Variants in XPO5 observed in about 807,000 individuals in gnomAD.
XPO5 encodes exportin-5.
XPO5 carries 46 observed loss-of-function variants against 160.6 expected under a neutral mutation model. The ratio of observed to expected loss-of-function variants is 0.29; its 90% CI spans 0.23 to 0.37. XPO5 has a LOEUF of 0.37. XPO5 is among the 10% of genes least tolerant of loss of function. The pLI, the probability that XPO5 is intolerant of heterozygous loss-of-function variation, is 1.00. For missense variants in XPO5, 1,090 were observed against 1,463.9 expected, an observed-to-expected ratio of 0.74 and a Z score of 4.17; for synonymous variants, 537 against 519.3, an observed-to-expected ratio of 1.03 and a Z score of -0.46.
At chr6:43,574,160 C>T (rs1763166212) in intron 1 of XPO5, among the ~76,000 whole-genome samples, 1 of 151,732 alleles carries the variant, frequency 6.6e-6, no homozygotes, top group African/African-American at 2.4e-5. Flanking sequence ...ATTAGCCGGG[C>T]ATGGTGGCAG....
intron 23 of XPO5, 188 bp from the exon 24 acceptor site, chr6:43,529,113 C>G: frequency 1.8e-6 from 2 of 1,120,312 alleles, no homozygotes; most frequent in Non-Finnish European, 2.6e-6. Flanking sequence ...TATTGAATTC[C>G]ATTATACTCT....
At chr6:43,527,508 G>A (rs1208553050) in intron 26 of XPO5, 126 bp downstream of exon 26, 8 of 881,530 alleles carry the variant, frequency 9.1e-6, no homozygotes, top group South Asian at 3.3e-5. Context: ...TTTTGACCTC[G>A]CAATCCACCA....
At chr6:43,535,040 C>T (rs144185598) in intron 20 of XPO5, among the ~76,000 whole-genome samples, 1 of 151,344 alleles carries the variant, frequency 6.6e-6, no homozygotes, top group East Asian at 1.9e-4. Flanking sequence ...TGCCTGTAAT[C>T]CCAGCACTTT....
At chr6:43,533,288 A>G (rs866921895) in intron 21 of XPO5, 41 of 152,286 alleles carry the variant, frequency 2.7e-4, no homozygotes, top group African/African-American at 9.0e-4. Context: ...GTATACAAAT[A>G]TCCTTCAGGT....
chr6:43,574,822 TTAA>T (rs990492604), intron 1 of XPO5, among the ~76,000 whole-genome samples: 2 of 152,180 alleles, frequency 1.3e-5, no homozygotes, highest in Non-Finnish European at 2.9e-5. Context: ...ATTTTAAATA[TTAA>T]TAATAAAAAC....
chr6:43,569,460 G>A (rs753429581), intron 5 of XPO5, among the ~76,000 whole-genome samples: 4 of 152,054 alleles, frequency 2.6e-5, no homozygotes, highest in Non-Finnish European at 4.4e-5. Context: ...TAGGCCAGGC[G>A]CGGTGGCTCA....
chr6:43,528,013 A>G (rs1793709631), intron 25 of XPO5, 146 bp downstream of exon 25: 1 of 842,284 alleles, frequency 1.2e-6, no homozygotes, highest in Non-Finnish European at 1.9e-6. Context: ...GCCTGTCCAG[A>G]CAAGCCATGT....
chr6:43,525,441 G>C (rs535469720), intron 28 of XPO5: 9 of 540,024 alleles, frequency 1.7e-5, no homozygotes, highest in Non-Finnish European at 2.3e-5. Flanking sequence ...CCTGGCTTAG[G>C]AGCTGGAGTT....
chr6:43,556,143 G>T (rs1457188866), intron 12 of XPO5, 179 bp from the exon 13 acceptor site: 3 of 740,162 alleles, frequency 4.1e-6, no homozygotes, highest in African/African-American at 3.5e-5. Flanking sequence ...AGAAGTTTTT[G>T]AAAATAAATG....
At chr6:43,529,278 C>T in intron 23 of XPO5, 1 of 1,328,714 alleles carries the variant, frequency 7.5e-7, no homozygotes, top group Non-Finnish European at 1.0e-6. Flanking sequence ...TGCGGTGGCT[C>T]ACACCTGTAA....
intron 23 of XPO5, 52 bp downstream of exon 23, chr6:43,530,636 T>G (rs188368166): frequency 1.0e-4 from 167 of 1,597,582 alleles, no homozygotes; most frequent in Non-Finnish European, 1.4e-4. Context: ...GTTTTGTTTC[T>G]CTCTCTAATT....
At chr6:43,547,061 A>C (rs1476619542) in intron 19 of XPO5, among the ~76,000 whole-genome samples, 5 of 152,128 alleles carry the variant, frequency 3.3e-5, no homozygotes, top group Non-Finnish European at 7.3e-5. Context: ...GATCCAAAAC[A>C]AAGTGTTTAA....
intron 19 of XPO5, 56 bp downstream of exon 19, chr6:43,547,551 CA>C: frequency 1.3e-6 from 2 of 1,531,498 alleles, no homozygotes; most frequent in Admixed American, 3.4e-5. Flanking sequence ...TGACAAAAGA[CA>C]ACACCCTACT....
At chr6:43,565,780 C>A in intron 7 of XPO5, 44 bp from the exon 8 acceptor site, 1 of 1,420,536 alleles carries the variant, frequency 7.0e-7, no homozygotes, top group Admixed American at 2.1e-5. Flanking sequence ...AACTATACTT[C>A]AAAGTACCGA....
At chr6:43,569,913 T>C (rs533924004) in intron 5 of XPO5, among the ~76,000 whole-genome samples, 3 of 149,442 alleles carry the variant, frequency 2.0e-5, no homozygotes, top group East Asian at 4.0e-4. Context: ...CGAAACTCCA[T>C]CTCTACTAAA....
intron 12 of XPO5, 196 bp from the exon 13 acceptor site, chr6:43,556,160 G>A (rs1762075165): frequency 1.6e-6 from 1 of 634,484 alleles, no homozygotes; most frequent in Non-Finnish European, 2.5e-6. Flanking sequence ...AATGATCTCT[G>A]GAAACTGTAT....
rs772235929 is a variant in XPO5, at chr6:43,530,716, A to G, written c.2649T>C (p.Ile883=). 1.9e-5 allele frequency: 31 copies of G among 1,613,876 alleles called. No homozygotes were observed. The African/African-American group carries it at 3.7e-4, about 19-fold the overall frequency. ...GCATGGGTCTGAGTCGGTAGTCAGG[A>G]ATATTGTTCAAGTTGACAAAGGCTG... ...LSSAFVNLNN[I]PDYRLRPMLR... The change falls in exon 23 of 32, where the codon ATT becomes ATC. Residue 883 remains isoleucine (I), a synonymous_variant. Transcript: ENST00000265351.
chr6:43,551,415 C>G lies in XPO5; in HGVS notation c.1611G>C (p.Met537Ile), dbSNP rs1795222257. 3.1e-6 allele frequency: 5 copies of G among 1,613,898 alleles called. No individual in the cohort carries two copies. Among genetic ancestry groups the G allele is most frequent in the Non-Finnish European group, 4.2e-6 (5 of 1,179,846 alleles). ...GATCCTTGGTATCAAAGTTCAGAACCATCTGCAATAGCTCTATTCCATCAT... is the reference window on the plus strand; with the variant it reads ...GATCCTTGGTATCAAAGTTCAGAACGATCTGCAATAGCTCTATTCCATCAT... ...PVNDGIELLQ[M>I]VLNFDTKDPL... Residue 537 changes from methionine (M) to isoleucine (I), a missense_variant, in exon 15 of 32, where the codon ATG becomes ATC. By Grantham distance (10) the Met-to-Ile change is conservative (BLOSUM62 1). This residue lies in a region of XPO5 where 810 missense variants were observed against 1,139.0 expected (regional missense o/e 0.71). Transcript: ENST00000265351.
In XPO5 at chr6:43,526,710, A is replaced by G. The variant is rs1174509146; in HGVS notation, c.2958T>C (p.Ser986=). Residue 986 remains serine, a synonymous_variant, in exon 27 of 32, where the codon AGT becomes AGC. Coordinates refer to ENST00000265351, the MANE Select transcript of XPO5 (RefSeq NM_020750.3). ...CGTCTCCATCTGCTGGGGGAGCACT[A>G]CTGTGGTCAGCACCCTTCTTTGAAA... is the stretch of plus-strand genomic sequence containing the variant. ...CCVSKKGADH[S]SAPPADGDDE... 1 of 1,613,974 alleles carries G rather than the reference A, an allele frequency of 6.2e-7. No homozygotes were observed. The highest frequency in any genetic ancestry group is 1.7e-5 in the Admixed American group (1 of 60,014).
Sources: allele counts gnomAD v4.1 joint callset (sites outside exome capture counted in the v4.1 genomes callset), GRCh38; gene constraint gnomAD v4.1.1; regional missense constraint gnomAD v4.1.1; transcripts MANE v1.5; gene names NCBI Gene and HGNC (gene_info 2026-07-23, HGNC 2026-07-21).